The following COBL variants were observed in gnomAD, a reference collection of about 807,000 sequenced individuals.
The protein encoded by COBL is cordon-bleu WH2 repeat protein, also known as protein cordon-bleu.
COBL carries 51 observed loss-of-function variants against 98.8 expected under a neutral mutation model. That is an observed-to-expected ratio of 0.52 (90% CI 0.41 to 0.65). The LOEUF (loss-of-function observed/expected upper bound fraction) is 0.65. COBL is among the 30% of genes least tolerant of loss of function. The pLI is 0.00. For missense variants in COBL, 1,617 were observed against 1,617.5 expected (o/e 1.00, Z 0.01); for synonymous variants, 634 against 651.7 (o/e 0.97, Z 0.41).
intron 7 of COBL, among the ~76,000 whole-genome samples, chr7:51,052,863 C>G (rs1397022712): frequency 5.3e-5 from 8 of 152,202 alleles, no homozygotes; most frequent in Non-Finnish European, 1.2e-4. Flanking sequence ...CCTACTTTTA[C>G]TTAGCTTTCC....
At chr7:51,068,910 C>G (rs1252221215) in intron 7 of COBL, among the ~76,000 whole-genome samples, 3 of 152,180 alleles carry the variant, frequency 2.0e-5, no homozygotes, top group Non-Finnish European at 2.9e-5. Flanking sequence ...ACTTAAGTAA[C>G]TCACTCTTCA....
intron 6 of COBL, among the ~76,000 whole-genome samples, chr7:51,102,758 TG>T (rs1795917989): frequency 6.6e-6 from 1 of 152,260 alleles, no homozygotes; most frequent in South Asian, 2.1e-4. Context: ...TTTGTTGATT[TG>T]TTCATTCATT....
chr7:51,222,630 T>C (rs1019923598), intron 1 of COBL, among the ~76,000 whole-genome samples: 2 of 152,028 alleles, frequency 1.3e-5, no homozygotes, highest in Non-Finnish European at 2.9e-5. Flanking sequence ...AAACAGCTTA[T>C]GGATTCTTTC....
At chr7:51,097,032 A>C (rs966081377) in intron 6 of COBL, among the ~76,000 whole-genome samples, 1 of 152,222 alleles carries the variant, frequency 6.6e-6, no homozygotes, top group Non-Finnish European at 1.5e-5. Flanking sequence ...AGACAAAGAT[A>C]GTATAAGAAA....
intron 6 of COBL, among the ~76,000 whole-genome samples, chr7:51,099,162 T>C (rs1779545177): frequency 6.6e-6 from 1 of 151,462 alleles, no homozygotes; most frequent in Non-Finnish European, 1.5e-5. Context: ...TATGCATTGT[T>C]AGTAGGAATG....
In COBL at chr7:51,121,451, T is replaced by C. The variant is rs566574659; in HGVS notation, c.957+14707A>G. Among the ~76,000 whole-genome samples, 5 of 152,226 alleles carry C rather than the reference T, an allele frequency of 3.3e-5. No individual in the cohort carries two copies. The East Asian group carries it at 9.7e-4, about 29-fold the overall frequency. On this transcript the variant is annotated intron_variant, in intron 6 of 12. Coordinates refer to ENST00000265136, the MANE Select transcript of COBL (RefSeq NM_015198.5). ...CATAATTTGCAAATATCTTCTCCCATTCTGCGGGTTGCCTTTTTAATCTGT... is the reference window on the plus strand; with the variant it reads ...CATAATTTGCAAATATCTTCTCCCACTCTGCGGGTTGCCTTTTTAATCTGT...
intron 7 of COBL, among the ~76,000 whole-genome samples, chr7:51,083,709 T>C (rs1793907018): frequency 6.6e-6 from 1 of 152,226 alleles, no homozygotes. Context: ...CTGAGTCCAT[T>C]TATACTTTTC....
intron 4 of COBL, among the ~76,000 whole-genome samples, chr7:51,186,350 A>T (rs1220429869): frequency 6.6e-6 from 1 of 152,210 alleles, no homozygotes; most frequent in Non-Finnish European, 1.5e-5. Flanking sequence ...CACCATGGTA[A>T]AGTTGAAAAA....
chr7:51,304,418 C>A lies in COBL; in HGVS notation c.41+12175G>T, dbSNP rs139335851. Among the ~76,000 whole-genome samples the A allele has an allele frequency of 2.6e-5, 4 of 152,338 alleles. No individual in the cohort carries two copies. The East Asian group carries it at 5.8e-4, about 22-fold the overall frequency. The stretch of plus-strand genomic sequence containing the variant: ...TCCTGGTACAAACCTGTGTTTACAA[C>A]ATCCACTGAAAAACAATTTGTGAAT... On this transcript the variant is annotated intron_variant, in intron 1 of 12. Coordinates refer to ENST00000265136, the MANE Select transcript of COBL (RefSeq NM_015198.5).
chr7:51,255,255 G>A (rs563449616), intron 1 of COBL, among the ~76,000 whole-genome samples: 1 of 152,330 alleles, frequency 6.6e-6, no homozygotes, highest in East Asian at 1.9e-4. Context: ...AGGAACTGCT[G>A]CCCGAGGCAC....
At chr7:51,154,574 C>G (rs1171392135) in intron 5 of COBL, among the ~76,000 whole-genome samples, 1 of 152,194 alleles carries the variant, frequency 6.6e-6, no homozygotes, top group Non-Finnish European at 1.5e-5. Context: ...GTACGAATAA[C>G]TCCCGGTGGG....
At chr7:51,156,482 T>C in intron 5 of COBL, 1 of 984,994 alleles carries the variant, frequency 1.0e-6, no homozygotes, top group Non-Finnish European at 1.2e-6. Context: ...TTCAGTTTTA[T>C]TGGAGGCTGT....
chr7:51,156,739 CACAA>C lies in COBL; in HGVS notation c.784-20412_784-20409del, dbSNP rs1268683911. 1.1e-4 allele frequency: 16 copies of C among 149,294 alleles called. No individual in the cohort carries two copies. The East Asian group carries it at 3.0e-3, about 28-fold the overall frequency. The allele number at this position is 149,294 out of a possible 1,614,324, so 9.2% of individuals were successfully genotyped here. Reference sequence around the variant, plus strand: ...ACACACACACACACACACACACACACACAATGAACTGTAGTTAAGGTGCACTTTC... The same window carrying C: ...ACACACACACACACACACACACACACTGAACTGTAGTTAAGGTGCACTTTC... On this transcript the variant is annotated intron_variant, in intron 5 of 12. Transcript: ENST00000265136.
chr7:51,110,943 G>A (rs1035301697), intron 6 of COBL, among the ~76,000 whole-genome samples: 2 of 152,140 alleles, frequency 1.3e-5, no homozygotes, highest in Non-Finnish European at 2.9e-5. Flanking sequence ...TTGATCGATG[G>A]GCATTTGGGT....
At chr7:51,307,813 A>G (rs1199498537) in intron 1 of COBL, among the ~76,000 whole-genome samples, 4 of 152,264 alleles carry the variant, frequency 2.6e-5, no homozygotes, top group Non-Finnish European at 5.9e-5. Flanking sequence ...GTAGCAATTT[A>G]GAGCGTTGTC....
At chr7:51,074,513 T>C (rs1236209401) in intron 7 of COBL, among the ~76,000 whole-genome samples, 5 of 152,200 alleles carry the variant, frequency 3.3e-5, no homozygotes, top group East Asian at 1.9e-4. Flanking sequence ...CAAACCATTG[T>C]TGAAAAATCA....
chr7:51,053,813 T>C (rs1583623367), intron 7 of COBL, among the ~76,000 whole-genome samples: 1 of 152,244 alleles, frequency 6.6e-6, no homozygotes, highest in East Asian at 1.9e-4. Flanking sequence ...AAAGTGGAGG[T>C]TGGTGGTAAC....
At chr7:51,255,452 C>A (rs1797116196) in intron 1 of COBL, among the ~76,000 whole-genome samples, 1 of 152,222 alleles carries the variant, frequency 6.6e-6, no homozygotes, top group Admixed American at 6.5e-5. Flanking sequence ...CCAGGGCCTC[C>A]TTCACTTGCA....
At chr7:51,142,524 C>T (rs1372914996) in intron 5 of COBL, among the ~76,000 whole-genome samples, 4 of 151,232 alleles carry the variant, frequency 2.6e-5, no homozygotes, top group Non-Finnish European at 5.9e-5. Flanking sequence ...ACTGGGATTA[C>T]AGGAGCGTGC....
Sources: allele counts gnomAD v4.1 joint callset (sites outside exome capture counted in the v4.1 genomes callset), GRCh38; gene constraint gnomAD v4.1.1; transcripts MANE v1.5; gene names NCBI Gene and HGNC (gene_info 2026-07-23, HGNC 2026-07-21).